The following USP40 variants were observed in gnomAD, a reference collection of about 807,000 sequenced individuals.
The protein encoded by USP40 is ubiquitin carboxyl-terminal hydrolase 40.
Under a neutral mutation model 166.2 loss-of-function variants are expected in USP40, and 143 were observed. The observed-to-expected ratio is 0.86, with a 90% CI of 0.75 to 0.99. The LOEUF (loss-of-function observed/expected upper bound fraction) is 0.99. USP40 is among the 50% of genes least tolerant of loss of function. The probability of loss-of-function intolerance (pLI) is 0.00; values close to 1 mark genes in which losing one functional copy is unlikely to be tolerated. For synonymous variants in USP40, 498 were observed against 524.0 expected (o/e 0.95, Z 0.68); for missense variants, 1,444 against 1,479.7 (o/e 0.98, Z 0.40).
rs892214552 is a variant in USP40, at chr2:233,480,480, TCA to T, written c.3599+721_3599+722del. The stretch of plus-strand genomic sequence containing the variant: ...TGAGCTGAGCAGTGCGAACTGAGCC[TCA>T]CGCCCCAGTTCCGGGTGTGTGGCCT... On this transcript the variant is annotated intron_variant, in intron 31 of 31. Transcript: ENST00000678225. This position sits in a 1 kb window ranked among gnomAD's most constrained non-coding sequence, Gnocchi z 4.5. 6.6e-6 allele frequency among the ~76,000 whole-genome samples: 1 copy of T among 152,156 alleles called. No individual in the cohort carries two copies. The highest frequency in any genetic ancestry group is 1.5e-5 in the Non-Finnish European group (1 of 68,028).
chr2:233,515,702 A>G (rs947482985), intron 18 of USP40, among the ~76,000 whole-genome samples: 5 of 152,170 alleles, frequency 3.3e-5, no homozygotes, highest in Non-Finnish European at 7.4e-5. Context: ...TAAATTAATT[A>G]GGCTTTTCTT....
intron 18 of USP40, 106 bp from the exon 19 acceptor site, chr2:233,512,728 CAA>C (rs756342903): frequency 5.7e-6 from 3 of 523,834 alleles, no homozygotes; most frequent in East Asian, 3.6e-5. Flanking sequence ...ACACAGAAAA[CAA>C]AAGAGAGATG....
rs2068719756 is a variant in USP40 at position 233,533,677 on chromosome 2, TC to T, written c.1272del (p.Asn425MetfsTer16). ...AGCATCTTGAAAATTTGCTGGTCAT[TC>T]CTTTGGAAATCAGACTCAGCCTGGA... ...SSLQAESDFQ[R>X]NDQQIFKMLP... is the part of the protein sequence containing the mutation. On this transcript the variant is annotated frameshift_variant, in exon 11 of 32. Transcript: ENST00000678225. LOFTEE classifies it high-confidence loss of function. The T allele has an allele frequency of 6.2e-7, 1 of 1,613,640 alleles. No homozygotes were observed. The highest frequency in any genetic ancestry group is 8.5e-7 in the Non-Finnish European group (1 of 1,179,814).
rs560297677 is a variant in USP40 at position 233,547,506 on chromosome 2, G to A, written c.966+1595C>T. On this transcript the variant is annotated intron_variant, in intron 8 of 31. Coordinates refer to ENST00000678225, the MANE Select transcript of USP40 (RefSeq NM_001365479.2). ...ACGAGATGCCGTATTACAAGTAAAT[G>A]TGGAGCAAGTATTCGTCAACAACAG... Among the ~76,000 whole-genome samples, 8 of 152,324 alleles carry A rather than the reference G, an allele frequency of 5.3e-5. No homozygotes were observed. In the South Asian group the frequency reaches 1.0e-3, roughly 20 times the overall value.
Position 233,561,101 on chromosome 2 carries a change from T to A in USP40, c.268-1177A>T, listed in dbSNP as rs989333143. The A allele has an allele frequency of 5.9e-6, 9 of 1,530,512 alleles. No homozygotes were observed. The African/African-American group carries it at 1.1e-4, about 19-fold the overall frequency. The allele number at this position is 1,530,512 out of a possible 1,614,324, so 94.8% of individuals were successfully genotyped here. A position where few individuals can be genotyped will look rare whatever the true frequency, so the allele number is the denominator to read the frequency against. On this transcript the variant is annotated intron_variant, in intron 3 of 31. Transcript: ENST00000678225. The stretch of plus-strand genomic sequence containing the variant: ...TTTGTGAACAAGCCACTTAATTCCT[T>A]CTTTAAAAAAAATTTTCTGAATACG...
rs1441908089 is a variant in USP40 at position 233,565,341 on chromosome 2, C to T, written c.199+15G>A. The T allele has an allele frequency of 1.1e-5, 17 of 1,512,976 alleles. No individual in the cohort carries two copies. Among genetic ancestry groups the T allele is most frequent in the Admixed American group, 2.0e-5 (1 of 50,448 alleles). The allele number at this position is 1,512,976 out of a possible 1,614,324, so 93.7% of individuals were successfully genotyped here. ...TGGTACATATTGCTAGTTAAATGTA[C>T]GTAACATAGCATACCTCTGAATTCA... On this transcript the variant is annotated intron_variant, in intron 2 of 31. Transcript: ENST00000678225.
intron 21 of USP40, among the ~76,000 whole-genome samples, chr2:233,509,088 G>A (rs770932815): frequency 6.6e-6 from 1 of 152,106 alleles, no homozygotes; most frequent in Non-Finnish European, 1.5e-5. Flanking sequence ...TGTAGAAAAT[G>A]GTATTTGGCA....
At chr2:233,478,367 T>C (rs552164336) in intron 31 of USP40, among the ~76,000 whole-genome samples, 41 of 152,318 alleles carry the variant, frequency 2.7e-4, no homozygotes, top group Admixed American at 5.9e-4. Context: ...GTGTTGCCAA[T>C]AGGCATGTGG....
intron 8 of USP40, 36 bp from the exon 9 acceptor site, chr2:233,542,399 C>A (rs1209716253): frequency 1.2e-5 from 15 of 1,301,412 alleles, no homozygotes; most frequent in African/African-American, 4.4e-5. Context: ...CTATCACTAA[C>A]CCCTTAAAAA....
chr2:233,519,165 T>G (rs2067472826), intron 18 of USP40, among the ~76,000 whole-genome samples: 1 of 152,208 alleles, frequency 6.6e-6, no homozygotes, highest in African/African-American at 2.4e-5. Context: ...AAAACTGGAT[T>G]GTGGTGATGG....
chr2:233,550,991 G>A (rs1237293150), intron 7 of USP40, among the ~76,000 whole-genome samples: 1 of 152,180 alleles, frequency 6.6e-6, no homozygotes, highest in African/African-American at 2.4e-5. Flanking sequence ...TTAAAGAAGG[G>A]TTTAATAAAA....
intron 23 of USP40, 68 bp downstream of exon 23, chr2:233,498,480 G>C: frequency 7.2e-7 from 1 of 1,398,590 alleles, no homozygotes; most frequent in Non-Finnish European, 1.0e-6. Context: ...GAGTGGAATG[G>C]GTACCTTGTA....
rs573960577 is a variant in USP40, at chr2:233,480,266, C to G, written c.3599+937G>C. ...TGAGCGGGGCCAGATCAGGCTCCTA[C>G]AGTCATTTGGGCAGGGAAAGATGAA... is the stretch of plus-strand genomic sequence containing the variant. On this transcript the variant is annotated intron_variant, in intron 31 of 31. Transcript: ENST00000678225. This position sits in a 1 kb window ranked among gnomAD's most constrained non-coding sequence, Gnocchi z 4.5. Among the ~76,000 whole-genome samples the G allele has an allele frequency of 6.6e-6, 1 of 152,078 alleles. No homozygotes were observed. Among genetic ancestry groups the G allele is most frequent in the Non-Finnish European group, 1.5e-5 (1 of 67,978 alleles).
chr2:233,565,495 T>C lies in USP40; in HGVS notation c.60A>G (p.Lys20=). 2.0e-6 allele frequency: 3 copies of C among 1,537,186 alleles called. No individual in the cohort carries two copies. The highest frequency in any genetic ancestry group is 1.7e-6 in the Non-Finnish European group (2 of 1,146,824). ...YSTVSNNQYG[K]GKKLKTKALE... ...AAGCTTTAGTCTTTAATTTCTTCCC[T>C]TTTCCATACTGATTATTAGACACAG... is the stretch of plus-strand genomic sequence containing the variant. The change falls in exon 2 of 32, where the codon AAA becomes AAG. Residue 20 remains lysine (K), a synonymous_variant. Transcript: ENST00000678225.
At chr2:233,487,721 A>G (rs1313532509) in intron 28 of USP40, 2 of 220,030 alleles carry the variant, frequency 9.1e-6, no homozygotes, top group African/African-American at 4.7e-5. Flanking sequence ...TATTTAATAA[A>G]TAATTATTGA....
At chr2:233,497,452 G>T (rs2125098167) in intron 23 of USP40, among the ~76,000 whole-genome samples, 1 of 152,298 alleles carries the variant, frequency 6.6e-6, no homozygotes, top group Middle Eastern at 3.4e-3. Flanking sequence ...ACGAAGGCTT[G>T]GACCTGGAGC....
chr2:233,521,264 T>G, intron 16 of USP40, 150 bp from the exon 17 acceptor site: 1 of 774,454 alleles, frequency 1.3e-6, no homozygotes, highest in African/African-American at 1.7e-5. Context: ...TGCAGGGTAA[T>G]GTTAGGCAGT....
chr2:233,498,307 C>T (rs1410366091), intron 23 of USP40, among the ~76,000 whole-genome samples: 2 of 152,156 alleles, frequency 1.3e-5, no homozygotes, highest in African/African-American at 4.8e-5. Context: ...AACTGCTCCT[C>T]CTAGAGGCAT....
chr2:233,494,956 T>TTATATATATATATATATA (rs71058559), intron 24 of USP40, among the ~76,000 whole-genome samples: 1 of 35,504 alleles, frequency 2.8e-5, no homozygotes, highest in Non-Finnish European at 5.1e-5. Flanking sequence ...ATATATATAT[T>TTATATATATATATATATA]TATATATATA....
Sources: gnomAD v4.1 joint callset for allele counts (sites outside exome capture counted in the v4.1 genomes callset) on GRCh38, gnomAD v4.1.1 for gene constraint, Gnocchi (gnomAD v3.1) non-coding constraint, MANE v1.5 for transcripts, NCBI Gene and HGNC (gene_info 2026-07-23, HGNC 2026-07-21) for gene names.